Variants in LARGE1 observed in about 807,000 individuals in gnomAD.
LARGE1 encodes the protein xylosyl- and glucuronyltransferase LARGE1.
LARGE1 carries 43 observed loss-of-function variants against 87.6 expected under a neutral mutation model. That is an observed-to-expected ratio of 0.49 (90% CI 0.38 to 0.63). The LOEUF is 0.63. Among genes scored for constraint, LARGE1 ranks in the 30% least tolerant of loss-of-function variants. The pLI, the probability that LARGE1 is intolerant of heterozygous loss-of-function variation, is 0.00. For synonymous variants in LARGE1, 434 were observed against 394.6 expected (o/e 1.10, Z -1.18); for missense variants, 802 against 1,000.2 (o/e 0.80, Z 2.67).
intron 5 of LARGE1, 120 bp downstream of exon 5, chr22:33,604,315 C>A (rs139006556): frequency 7.6e-7 from 1 of 1,316,996 alleles, no homozygotes; most frequent in Non-Finnish European, 1.1e-6. Context: ...AACTTCCTTA[C>A]GCCCTACACA....
At chr22:33,299,066 G>C (rs1933773264) in intron 12 of LARGE1, among the ~76,000 whole-genome samples, 1 of 151,954 alleles carries the variant, frequency 6.6e-6, no homozygotes. Context: ...AAAAAAATTG[G>C]CCCAGCATGG....
intron 13 of LARGE1, among the ~76,000 whole-genome samples, chr22:33,279,963 T>C (rs749149191): frequency 1.3e-5 from 2 of 152,230 alleles, no homozygotes; most frequent in Non-Finnish European, 2.9e-5. Flanking sequence ...AATGCTTTAA[T>C]TAGCCGTTAA....
In LARGE1 at chr22:33,258,810, C is replaced by A. The variant is rs139806050; in HGVS notation, c.1730+45419G>T. ...TTGGGGTCTGGATCGGGACCCCTTTCCTGTAACAGCAGGAGAGAACAGAAC... is the reference window on the plus strand; with the variant it reads ...TTGGGGTCTGGATCGGGACCCCTTTACTGTAACAGCAGGAGAGAACAGAAC... On this transcript the variant is annotated intron_variant, in intron 11 of 11. Coordinates refer to the LARGE1 transcript ENST00000608642. Among the ~76,000 whole-genome samples, 302 of 152,112 alleles carry A rather than the reference C, an allele frequency of 2.0e-3. 3 individuals are homozygous for A. Among genetic ancestry groups the A allele is most frequent in the African/African-American group, 7.0e-3 (290 of 41,512 alleles).
intron 6 of LARGE1, among the ~76,000 whole-genome samples, chr22:33,439,531 A>T (rs2283906): frequency 0.64 from 96,832 of 151,820 alleles, 32,512 homozygotes; most frequent in African/African-American, 0.86. Context: ...TCTCTCTGCC[A>T]CCCTTAACAT....
Position 33,186,088 on chromosome 22 carries a change from G to A in LARGE1, c.1731-19256C>T, listed in dbSNP as rs1376845408. ...TTCTAGGCATAGTTTCACTGTTGAA[G>A]TCTATCAACCAATTATGGGAAAAAA... On this transcript the variant is annotated intron_variant, in intron 11 of 11. Transcript: ENST00000608642. Among the ~76,000 whole-genome samples, 3 of 152,072 alleles carry A rather than the reference G, an allele frequency of 2.0e-5. No homozygotes were observed. The East Asian group carries it at 5.8e-4, about 29-fold the overall frequency.
chr22:33,763,831 T>C (rs916390179), intron 1 of LARGE1, among the ~76,000 whole-genome samples: 1 of 142,676 alleles, frequency 7.0e-6, no homozygotes, highest in African/African-American at 2.6e-5. Flanking sequence ...CAGCCTTAAT[T>C]AGTTTGCTTT....
intron 9 of LARGE1, among the ~76,000 whole-genome samples, chr22:33,352,903 T>A (rs998987000): frequency 6.6e-6 from 1 of 152,208 alleles, no homozygotes; most frequent in African/African-American, 2.4e-5. Context: ...AAAAGGGAGT[T>A]CTACAAAGGA....
intron 6 of LARGE1, among the ~76,000 whole-genome samples, chr22:33,442,722 T>C (rs765654079): frequency 1.3e-5 from 2 of 152,028 alleles, no homozygotes; most frequent in African/African-American, 2.4e-5. Context: ...AGCTGCCCTA[T>C]GAGCAGAGTC....
At chr22:33,468,576 C>CA (rs2148077305) in intron 6 of LARGE1, among the ~76,000 whole-genome samples, 1 of 152,270 alleles carries the variant, frequency 6.6e-6, no homozygotes, top group Admixed American at 6.5e-5. Context: ...AAGGAGGACA[C>CA]AAAATCAAAA....
chr22:33,463,695 CAG>C (rs1406588303), intron 6 of LARGE1, among the ~76,000 whole-genome samples: 1 of 152,068 alleles, frequency 6.6e-6, no homozygotes, highest in Non-Finnish European at 1.5e-5. Flanking sequence ...TTTTTTGAGA[CAG>C]AGTCTTACTC....
intron 6 of LARGE1, among the ~76,000 whole-genome samples, chr22:33,484,787 T>A (rs535823519): frequency 4.6e-5 from 7 of 152,278 alleles, no homozygotes; most frequent in Admixed American, 2.6e-4. Flanking sequence ...CCTCTTCACA[T>A]CCTCTGACCT....
rs5998913 is a variant in LARGE1 at position 33,396,686 on chromosome 22, T to C, written c.893-12382A>G. 8.9e-3 allele frequency among the ~76,000 whole-genome samples: 1,355 copies of C among 151,890 alleles called. 22 individuals are homozygous for C. The highest frequency in any genetic ancestry group is 0.031 in the African/African-American group (1,283 of 41,398). On this transcript the variant is annotated intron_variant, in intron 7 of 14. Coordinates refer to ENST00000397394, the MANE Select transcript of LARGE1 (RefSeq NM_133642.5). Reference sequence around the variant, plus strand: ...ACAGTCGTCCCTGCCCGAGAGAGCTTGGAGGTGTTATGGGCAAATAGAGGT... The same window carrying C: ...ACAGTCGTCCCTGCCCGAGAGAGCTCGGAGGTGTTATGGGCAAATAGAGGT...
At chr22:33,905,159 G>A (rs529016837) in intron 1 of LARGE1, among the ~76,000 whole-genome samples, 1 of 146,684 alleles carries the variant, frequency 6.8e-6, no homozygotes, top group Middle Eastern at 3.7e-3. Context: ...TCAACTTCCT[G>A]GGCACAAGGA....
chr22:33,337,706 G>A lies in LARGE1; in HGVS notation c.1227C>T (p.Gly409=). 1 of 1,614,122 alleles carries A rather than the reference G, an allele frequency of 6.2e-7. No individual in the cohort carries two copies. Among genetic ancestry groups the A allele is most frequent in the Non-Finnish European group, 8.5e-7 (1 of 1,180,030 alleles). Residue 409 remains glycine, a synonymous_variant, in exon 10 of 15, where the codon GGC becomes GGT. Transcript: ENST00000397394. The stretch of plus-strand genomic sequence containing the variant: ...CAAACAGTTCCCGCCTCAGAAGATT[G>A]CCGTCATACTCCAGGAAGGTCAGGT... ...NLYLTFLEYD[G]NLLRRELFGC... is the part of the protein sequence containing the mutation.
intron 4 of LARGE1, among the ~76,000 whole-genome samples, chr22:33,622,364 C>A (rs1206231514): frequency 6.6e-6 from 1 of 152,162 alleles, no homozygotes; most frequent in African/African-American, 2.4e-5. Context: ...AGATGCCTTG[C>A]TCCCGCTTCA....
intron 6 of LARGE1, among the ~76,000 whole-genome samples, chr22:33,468,868 A>C (rs1307788357): frequency 6.6e-6 from 1 of 152,120 alleles, no homozygotes; most frequent in East Asian, 1.9e-4. Flanking sequence ...CAGACTCCCA[A>C]ATCTCCATCA....
chr22:33,516,025 G>T (rs944722786), intron 6 of LARGE1, among the ~76,000 whole-genome samples: 2 of 152,210 alleles, frequency 1.3e-5, no homozygotes, highest in Non-Finnish European at 2.9e-5. Context: ...ACCAGCGTGA[G>T]AAGAGCAATC....
At chr22:33,609,256 GC>G (rs1569309904) in intron 4 of LARGE1, among the ~76,000 whole-genome samples, 1 of 152,196 alleles carries the variant, frequency 6.6e-6, no homozygotes, top group Non-Finnish European at 1.5e-5. Context: ...ACATGGATGC[GC>G]CGCTGTGCTG....
chr22:33,077,822 G>A, the LARGE1 span, among the ~76,000 whole-genome samples: 12 of 152,054 alleles, frequency 7.9e-5, no homozygotes, highest in East Asian at 5.8e-4. Context: ...TCATTTCATC[G>A]TTAGTCTAAA....
Sources: allele counts gnomAD v4.1 joint callset (sites outside exome capture counted in the v4.1 genomes callset), GRCh38; gene constraint gnomAD v4.1.1; transcripts MANE v1.5; gene names NCBI Gene and HGNC (gene_info 2026-07-23, HGNC 2026-07-21).